Variants in LAMA3 observed in about 807,000 individuals in gnomAD.
LAMA3 encodes laminin subunit alpha 3.
LAMA3 carries 281 observed loss-of-function variants against 402.0 expected under a neutral mutation model. The observed-to-expected ratio is 0.70, with a 90% CI of 0.63 to 0.77. The LOEUF (loss-of-function observed/expected upper bound fraction) is 0.77, where lower values mean the gene tolerates loss of function less well. Ranked by LOEUF, LAMA3 falls within the 30% of genes least tolerant of loss-of-function variation. LAMA3 has a pLI of 0.00. For missense variants in LAMA3, 3,840 were observed against 4,215.5 expected (o/e 0.91, Z 2.47); for synonymous variants, 1,431 against 1,558.4 (o/e 0.92, Z 1.93).
chr18:23,895,186 A>G (rs1482233733), intron 44 of LAMA3, 128 bp downstream of exon 44: 8 of 1,089,358 alleles, frequency 7.3e-6, no homozygotes, highest in Non-Finnish European at 9.4e-6. Flanking sequence ...CTCTGATCCA[A>G]ATGAAGATAA....
chr18:23,846,244 A>C, intron 30 of LAMA3, 53 bp from the exon 31 acceptor site: 5 of 1,561,984 alleles, frequency 3.2e-6, no homozygotes, highest in Non-Finnish European at 4.4e-6. Flanking sequence ...GGTTGAGGCC[A>C]CTCCCATACA....
At chr18:23,936,649 T>A (rs1048075437) in intron 67 of LAMA3, among the ~76,000 whole-genome samples, 2 of 152,112 alleles carry the variant, frequency 1.3e-5, no homozygotes, top group African/African-American at 4.8e-5. Context: ...AATTCCATGT[T>A]AGCACAAAGA....
intron 48 of LAMA3, among the ~76,000 whole-genome samples, chr18:23,901,932 G>T (rs1199520075): frequency 2.0e-5 from 3 of 152,224 alleles, no homozygotes; most frequent in Non-Finnish European, 2.9e-5. Context: ...GACCTCAGGT[G>T]ATCCACTCGC....
chr18:23,777,745 C>A, intron 11 of LAMA3, 126 bp downstream of exon 11: 1 of 772,158 alleles, frequency 1.3e-6, no homozygotes, highest in East Asian at 2.5e-5. Context: ...AGGTGCCTTG[C>A]AGGTGTCTCC....
At chr18:23,784,315 CCTTGTCA>C (rs1233531023) in intron 12 of LAMA3, among the ~76,000 whole-genome samples, 158 bp downstream of exon 12, 1 of 152,174 alleles carries the variant, frequency 6.6e-6, no homozygotes, top group Non-Finnish European at 1.5e-5. Flanking sequence ...CCTACCTGGA[CCTTGTCA>C]CTTCCCTTCT....
chr18:23,709,941 T>C lies in LAMA3; in HGVS notation c.295-3979T>C, dbSNP rs961234633. Reference sequence around the variant, plus strand: ...GTTGACTTTGGCCACATCAATGTCATAGAGCTTCTTCACAGCCTGTTTGAT... The same window carrying C: ...GTTGACTTTGGCCACATCAATGTCACAGAGCTTCTTCACAGCCTGTTTGAT... On this transcript the variant is annotated intron_variant, in intron 1 of 74. Transcript: ENST00000313654. 2.3e-4 allele frequency: 168 copies of C among 720,006 alleles called. No individual in the cohort carries two copies. In the East Asian group the frequency reaches 3.5e-3, roughly 15 times the overall value. 44.6% of individuals were successfully genotyped at this position (720,006 alleles called of 1,614,324 possible).
chr18:23,784,157 G>A lies in LAMA3; in HGVS notation c.1603G>A (p.Ala535Thr), dbSNP rs1274891272. The A allele has an allele frequency of 1.9e-6, 3 of 1,614,130 alleles. No individual in the cohort carries two copies. In the South Asian group the frequency reaches 3.3e-5, roughly 18 times the overall value. The change falls in exon 12 of 75, where the codon GCC (alanine) becomes ACC (threonine). Residue 535 changes from alanine (A) to threonine (T), a missense_variant and splice_region_variant. Around this residue, in one of 3 missense-constraint regions of LAMA3, gnomAD observed 2,109 missense variants for 2,376.0 expected, o/e 0.89. Coordinates refer to ENST00000313654, the MANE Select transcript of LAMA3 (RefSeq NM_198129.4). ...SGFYSFPICQ[A>T]CWCSALGSYQ... Reference sequence around the variant, plus strand: ...TTTCTACTCATTCCCTATTTGCCAAGGTAAGTGGGCAGAACATAGCATATT... The same window carrying A: ...TTTCTACTCATTCCCTATTTGCCAAAGTAAGTGGGCAGAACATAGCATATT...
intron 43 of LAMA3, 140 bp from the exon 44 acceptor site, chr18:23,894,767 A>G: frequency 9.9e-7 from 1 of 1,012,082 alleles, no homozygotes; most frequent in Non-Finnish European, 1.5e-6. Flanking sequence ...ATCCACATCC[A>G]TCCCTGAGAA....
intron 60 of LAMA3, 146 bp from the exon 61 acceptor site, chr18:23,920,789 T>C (rs543538324): frequency 8.9e-6 from 8 of 898,646 alleles, no homozygotes; most frequent in African/African-American, 8.1e-5. Context: ...TCCCGTGAGG[T>C]TGCTGTTGCA....
At chr18:23,845,998 G>A (rs1222450635) in intron 30 of LAMA3, among the ~76,000 whole-genome samples, 1 of 152,126 alleles carries the variant, frequency 6.6e-6, no homozygotes, top group African/African-American at 2.4e-5. Context: ...ACTTTATTGA[G>A]CTATAATTCA....
intron 34 of LAMA3, among the ~76,000 whole-genome samples, chr18:23,859,474 G>A (rs1285013112): frequency 6.6e-6 from 1 of 152,190 alleles, no homozygotes; most frequent in Non-Finnish European, 1.5e-5. Context: ...CCAGTGCTTT[G>A]CTACAAGTTG....
chr18:23,920,174 G>T (rs1186744485), intron 60 of LAMA3, among the ~76,000 whole-genome samples: 1 of 152,184 alleles, frequency 6.6e-6, no homozygotes, highest in Non-Finnish European at 1.5e-5. Flanking sequence ...GAGTCAGGGA[G>T]CGCATGCACC....
chr18:23,858,847 G>C lies in LAMA3; in HGVS notation c.4422+18G>C. The C allele has an allele frequency of 6.2e-7, 1 of 1,613,100 alleles. No homozygotes were observed. The highest frequency in any genetic ancestry group is 8.5e-7 in the Non-Finnish European group (1 of 1,179,108). On this transcript the variant is annotated intron_variant, in intron 34 of 74. Coordinates refer to ENST00000313654, the MANE Select transcript of LAMA3 (RefSeq NM_198129.4). Reference sequence around the variant, plus strand: ...GGACTAAGGTATGCATTGACAGAAAGTGCTGGGGAACATTTTGTACATGGA... The same window carrying C: ...GGACTAAGGTATGCATTGACAGAAACTGCTGGGGAACATTTTGTACATGGA...
intron 37 of LAMA3, 131 bp downstream of exon 37, chr18:23,868,048 A>G: frequency 1.3e-6 from 1 of 762,796 alleles, no homozygotes; most frequent in East Asian, 2.9e-5. Flanking sequence ...TTATATATAC[A>G]GGTTGAGCAT....
At chr18:23,757,095 C>T (rs1344407814) in intron 6 of LAMA3, among the ~76,000 whole-genome samples, 2 of 151,996 alleles carry the variant, frequency 1.3e-5, no homozygotes, top group Non-Finnish European at 2.9e-5. Context: ...GCGTGCTTCC[C>T]CGCAAACCCA....
intron 5 of LAMA3, among the ~76,000 whole-genome samples, chr18:23,752,963 C>A (rs983391595): frequency 2.0e-5 from 3 of 152,248 alleles, no homozygotes; most frequent in African/African-American, 7.2e-5. Context: ...CCTGGGCAGT[C>A]TCCTGCCAAG....
intron 6 of LAMA3, among the ~76,000 whole-genome samples, chr18:23,755,721 A>C (rs2061830445): frequency 6.6e-6 from 1 of 152,188 alleles, no homozygotes; most frequent in African/African-American, 2.4e-5. Flanking sequence ...TTCATATTTC[A>C]CTATGATCAT....
intron 12 of LAMA3, among the ~76,000 whole-genome samples, chr18:23,805,030 T>C (rs1426402979): frequency 6.6e-6 from 1 of 152,218 alleles, no homozygotes; most frequent in Admixed American, 6.5e-5. Flanking sequence ...TATTTCTTTA[T>C]AGCAACATAA....
intron 32 of LAMA3, among the ~76,000 whole-genome samples, chr18:23,852,152 G>A (rs2063960125): frequency 6.6e-6 from 1 of 152,182 alleles, no homozygotes; most frequent in Non-Finnish European, 1.5e-5. Context: ...TTCATGTTCA[G>A]ATGATATTGA....
Sources: allele counts gnomAD v4.1 joint callset (sites outside exome capture counted in the v4.1 genomes callset), GRCh38; gene constraint gnomAD v4.1.1; regional missense constraint gnomAD v4.1.1; transcripts MANE v1.5; gene names NCBI Gene and HGNC (gene_info 2026-07-23, HGNC 2026-07-21).